Variants in BMPR2 observed in about 807,000 individuals in gnomAD.
The protein encoded by BMPR2 is bone morphogenetic protein receptor type-2.
Under a neutral mutation model 100.8 loss-of-function variants are expected in BMPR2, and 29 were observed. The observed-to-expected ratio is 0.29, with a 90% CI of 0.21 to 0.39. The LOEUF is 0.39. Among genes scored for constraint, BMPR2 ranks in the 10% least tolerant of loss-of-function variants. The probability of loss-of-function intolerance (pLI) is 1.00; values close to 1 mark genes in which losing one functional copy is unlikely to be tolerated. For synonymous variants in BMPR2, 382 were observed against 442.3 expected, an observed-to-expected ratio of 0.86 and a Z score of 1.71; for missense variants, 1,011 against 1,274.5, an observed-to-expected ratio of 0.79 and a Z score of 3.15.
chr2:202,418,513 G>A (rs914978809), intron 1 of BMPR2, among the ~76,000 whole-genome samples: 1 of 152,210 alleles, frequency 6.6e-6, no homozygotes, highest in African/African-American at 2.4e-5. Context: ...CTGAGAACAT[G>A]TGTCCAAGGT....
rs1434391376 is a variant in BMPR2 at position 202,560,906 on chromosome 2, G to C, written c.*960G>C. On this transcript the variant is annotated 3_prime_UTR_variant, in exon 13 of 13. Transcript: ENST00000374580. ...TTATTTAAGAAATACATTTTTATTG[G>C]TAAGCTTATAGAGCTACACTTATGG... 2.6e-5 allele frequency: 4 copies of C among 151,926 alleles called. No individual in the cohort carries two copies. Among genetic ancestry groups the C allele is most frequent in the Non-Finnish European group, 5.9e-5 (4 of 67,996 alleles). The allele number at this position is 151,926 out of a possible 1,614,324, so 9.4% of individuals were successfully genotyped here.
chr2:202,556,174 A>G lies in BMPR2; in HGVS notation c.2509A>G (p.Asn837Asp). ...GACAGTACTATCTGGCCAAACAACC[A>G]ACATAGTGACACATAGGGCCCAAGA... is the stretch of plus-strand genomic sequence containing the variant. ...NGTVLSGQTT[N>D]IVTHRAQEML... is the part of the protein sequence containing the mutation. Residue 837 changes from asparagine to aspartate, a missense_variant, in exon 12 of 13, where the codon AAC becomes GAC. Coordinates refer to ENST00000374580, the MANE Select transcript of BMPR2 (RefSeq NM_001204.7). 1.2e-6 allele frequency: 2 copies of G among 1,611,812 alleles called. No individual in the cohort carries two copies. The highest frequency in any genetic ancestry group is 1.7e-5 in the Admixed American group (1 of 59,954).
At chr2:202,406,109 G>A (rs1446517190) in intron 1 of BMPR2, among the ~76,000 whole-genome samples, 2 of 152,298 alleles carry the variant, frequency 1.3e-5, no homozygotes, top group South Asian at 4.1e-4. Context: ...GAAGGACTGA[G>A]AAGAAAAGGA....
chr2:202,435,376 C>CATACAT lies in BMPR2; in HGVS notation c.77-29430_77-29429insCATATA, dbSNP rs1553500538. Among the ~76,000 whole-genome samples the CATACAT allele has an allele frequency of 5.8e-5, 6 of 103,424 alleles. No homozygotes were observed. In the East Asian group the frequency reaches 7.6e-4, roughly 13 times the overall value. 67.9% of individuals were successfully genotyped at this position (103,424 alleles called of 152,430 possible). A position where few individuals can be genotyped will look rare whatever the true frequency, so the allele number is the denominator to read the frequency against. ...CAGATCCTGTCTCAAAAAAAAAATA[C>CATACAT]ATATATATATATATATATATATATA... On this transcript the variant is annotated intron_variant, in intron 1 of 12. Coordinates refer to ENST00000374580, the MANE Select transcript of BMPR2 (RefSeq NM_001204.7).
chr2:202,377,492 G>A lies in BMPR2; in HGVS notation c.18G>A (p.Gln6=). The A allele has an allele frequency of 6.2e-7, 1 of 1,614,258 alleles. No homozygotes were observed. The highest frequency in any genetic ancestry group is 1.3e-5 in the African/African-American group (1 of 75,072). MTSSL[Q]RPWRVPWLPW... is the part of the protein sequence containing the mutation. ...GCCCAGGGATGACTTCCTCGCTGCA[G>A]CGGCCCTGGCGGGTGCCCTGGCTAC... The change falls in exon 1 of 13, where the codon CAG becomes CAA. Residue 6 remains glutamine (Q), a synonymous_variant. Coordinates refer to ENST00000374580, the MANE Select transcript of BMPR2 (RefSeq NM_001204.7).
intron 3 of BMPR2, among the ~76,000 whole-genome samples, chr2:202,506,622 C>A (rs186318649): frequency 6.6e-6 from 1 of 151,946 alleles, no homozygotes; most frequent in South Asian, 2.1e-4. Flanking sequence ...GTCCATAGGC[C>A]GGGTGCGGTG....
intron 1 of BMPR2, among the ~76,000 whole-genome samples, chr2:202,445,169 C>T (rs1188276116): frequency 6.7e-6 from 1 of 150,310 alleles, no homozygotes; most frequent in Non-Finnish European, 1.5e-5. Flanking sequence ...TATCCAGATG[C>T]TTTTTTGTAT....
intron 5 of BMPR2, among the ~76,000 whole-genome samples, chr2:202,517,718 C>T (rs1382534691): frequency 2.0e-5 from 3 of 152,110 alleles, no homozygotes; most frequent in Non-Finnish European, 4.4e-5. Flanking sequence ...CTGAATTTCT[C>T]CTTTCTAGGG....
At chr2:202,463,854 T>C (rs983369534) in intron 1 of BMPR2, among the ~76,000 whole-genome samples, 3 of 152,156 alleles carry the variant, frequency 2.0e-5, no homozygotes, top group Non-Finnish European at 4.4e-5. Flanking sequence ...ATTGATAATT[T>C]GAATAACAGA....
intron 1 of BMPR2, among the ~76,000 whole-genome samples, chr2:202,450,691 C>CAAAA (rs761806972): frequency 2.4e-5 from 1 of 41,244 alleles, no homozygotes; most frequent in Non-Finnish European, 5.5e-5. Flanking sequence ...AACTCCATCT[C>CAAAA]AAAAAAAAAA....
intron 1 of BMPR2, among the ~76,000 whole-genome samples, chr2:202,439,947 A>G (rs1320542785): frequency 6.7e-6 from 1 of 150,104 alleles, no homozygotes; most frequent in Admixed American, 6.6e-5. Context: ...GAGTTCAAGC[A>G]TCTGTTTAAC....
At chr2:202,405,129 A>G (rs891111841) in intron 1 of BMPR2, among the ~76,000 whole-genome samples, 3 of 152,100 alleles carry the variant, frequency 2.0e-5, no homozygotes. Flanking sequence ...AGCCCTGTGC[A>G]CTTTTTAAAC....
chr2:202,566,840 G>T lies in BMPR2; in HGVS notation c.*6894G>T, dbSNP rs1429547110. ...GATGTGCTATATACTTAAAATCCTA[G>T]GAAGTTATCTGTAACCAGTCTCTTG... On this transcript the variant is annotated 3_prime_UTR_variant, in exon 13 of 13. Transcript: ENST00000374580. 1.3e-5 allele frequency: 2 copies of T among 152,086 alleles called. No individual in the cohort carries two copies. The highest frequency in any genetic ancestry group is 2.9e-5 in the Non-Finnish European group (2 of 67,990). 9.4% of individuals were successfully genotyped at this position (152,086 alleles called of 1,614,324 possible).
intron 1 of BMPR2, among the ~76,000 whole-genome samples, chr2:202,433,783 C>T (rs1296988076): frequency 1.3e-5 from 2 of 150,400 alleles, no homozygotes; most frequent in Non-Finnish European, 2.9e-5. Context: ...TGGCGTGCGC[C>T]TGTAGTCCCA....
At chr2:202,430,805 C>T (rs2105930959) in intron 1 of BMPR2, among the ~76,000 whole-genome samples, 2 of 149,902 alleles carry the variant, frequency 1.3e-5, no homozygotes, top group South Asian at 2.1e-4. Context: ...ACTAAAAATA[C>T]AAAATTAGCC....
In BMPR2 at chr2:202,555,249, A is replaced by G. The variant is rs1436756863; in HGVS notation, c.1587-3A>G. ...AATGTGATACTTTTTTTCTTTCTTT[A>G]AGCAACCTGTCACATAATAGGCGTG... On this transcript the variant is annotated splice_region_variant and splice_polypyrimidine_tract_variant and intron_variant, in intron 11 of 12. Coordinates refer to ENST00000374580, the MANE Select transcript of BMPR2 (RefSeq NM_001204.7). The G allele has an allele frequency of 1.9e-6, 3 of 1,613,110 alleles. No individual in the cohort carries two copies. The highest frequency in any genetic ancestry group is 1.3e-5 in the African/African-American group (1 of 74,886).
chr2:202,413,872 C>G lies in BMPR2; in HGVS notation c.76+36322C>G, dbSNP rs77312874. 6.0e-3 allele frequency among the ~76,000 whole-genome samples: 906 copies of G among 152,224 alleles called. 16 individuals are homozygous for G. The highest frequency in any genetic ancestry group is 0.021 in the African/African-American group (864 of 41,530). ...TAGAGATGAGGTTTCACCATGTTGC[C>G]TAGGCGGTGTGGAATTCCTGAGCTC... On this transcript the variant is annotated intron_variant, in intron 1 of 12. Transcript: ENST00000374580.
intron 3 of BMPR2, among the ~76,000 whole-genome samples, chr2:202,477,553 G>A (rs958621873): frequency 2.0e-5 from 3 of 152,128 alleles, no homozygotes; most frequent in Non-Finnish European, 2.9e-5. Flanking sequence ...ACTTTGGGAG[G>A]CCAAGGCGGG....
rs555626678 is a variant in BMPR2 at position 202,560,903 on chromosome 2, T to C, written c.*957T>C. On this transcript the variant is annotated 3_prime_UTR_variant, in exon 13 of 13. Transcript: ENST00000374580. ...CATTTATTTAAGAAATACATTTTTA[T>C]TGGTAAGCTTATAGAGCTACACTTA... 1 of 152,310 alleles carries C rather than the reference T, an allele frequency of 6.6e-6. No individual in the cohort carries two copies. Among genetic ancestry groups the C allele is most frequent in the African/African-American group, 2.4e-5 (1 of 41,568 alleles). 9.4% of individuals were successfully genotyped at this position (152,310 alleles called of 1,614,324 possible). A position where few individuals can be genotyped will look rare whatever the true frequency, so the allele number is the denominator to read the frequency against.
Sources: allele counts gnomAD v4.1 joint callset (sites outside exome capture counted in the v4.1 genomes callset), GRCh38; gene constraint gnomAD v4.1.1; transcripts MANE v1.5; gene names NCBI Gene and HGNC (gene_info 2026-07-23, HGNC 2026-07-21).